Variants in TEC observed in about 807,000 individuals in gnomAD.
TEC encodes the protein tyrosine-protein kinase Tec.
A neutral mutation model predicts 93.0 loss-of-function variants in TEC; 72 were observed. That is an observed-to-expected ratio of 0.77 (90% CI 0.64 to 0.94). The LOEUF is 0.94. Among genes scored for constraint, TEC ranks in the 40% least tolerant of loss-of-function variants. The pLI is 0.00. For missense variants in TEC, 630 were observed against 757.9 expected (o/e 0.83, Z 1.98); for synonymous variants, 249 against 247.7 (o/e 1.01, Z -0.05).
chr4:48,187,957 T>C (rs1316827041), intron 2 of TEC, among the ~76,000 whole-genome samples: 1 of 152,228 alleles, frequency 6.6e-6, no homozygotes, highest in Non-Finnish European at 1.5e-5. Context: ...CTCCCCTTTC[T>C]GGGGAGTTGG....
chr4:48,180,239 A>G (rs933608757), intron 2 of TEC, among the ~76,000 whole-genome samples: 8 of 152,192 alleles, frequency 5.3e-5, no homozygotes, highest in African/African-American at 1.9e-4. Flanking sequence ...TTCTCCAAAT[A>G]TCTTGTTATG....
At chr4:48,259,248 T>C (rs1231953082) in intron 1 of TEC, among the ~76,000 whole-genome samples, 2 of 152,216 alleles carry the variant, frequency 1.3e-5, no homozygotes, top group African/African-American at 4.8e-5. Flanking sequence ...AGGAAAATAA[T>C]TCCAGTTAAT....
chr4:48,172,219 TA>T (rs1721142729), intron 3 of TEC, among the ~76,000 whole-genome samples: 1 of 152,080 alleles, frequency 6.6e-6, no homozygotes, highest in Non-Finnish European at 1.5e-5. Flanking sequence ...CCTGGGAAAC[TA>T]AGCCAGAAAT....
chr4:48,266,154 A>G (rs1221994885), intron 1 of TEC, among the ~76,000 whole-genome samples: 1 of 152,244 alleles, frequency 6.6e-6, no homozygotes, highest in Non-Finnish European at 1.5e-5. Flanking sequence ...ACACATTTTC[A>G]GGCATCTACA....
At position 48,156,747 on chromosome 4, in the gene TEC, A is replaced by G; in HGVS notation, c.738-13T>C. 6.3e-7 allele frequency: 1 copy of G among 1,599,550 alleles called. No homozygotes were observed. Among genetic ancestry groups the G allele is most frequent in the Non-Finnish European group, 8.5e-7 (1 of 1,175,438 alleles). On this transcript the variant is annotated splice_polypyrimidine_tract_variant and intron_variant, in intron 8 of 17. Coordinates refer to ENST00000381501, the MANE Select transcript of TEC (RefSeq NM_003215.3). Reference sequence around the variant, plus strand: ...TCTGCAATACCATCTGAACAGAAAAAACAATACATTTCAGGCCTCAGGTTT... The same window carrying G: ...TCTGCAATACCATCTGAACAGAAAAGACAATACATTTCAGGCCTCAGGTTT...
rs545341346 is a variant in TEC, at chr4:48,240,623, T to C, written c.-45-11964A>G. Among the ~76,000 whole-genome samples the C allele has an allele frequency of 4.8e-4, 73 of 152,290 alleles. 1 individual carries two copies. Among genetic ancestry groups the C allele is most frequent in the Admixed American group, 9.8e-4 (15 of 15,286 alleles). Reference sequence around the variant, plus strand: ...TTATAACTCCTCTCTTCCCTCTATGTCCTTTCCATTTCCCTGTTCAAGTTC... The same window carrying C: ...TTATAACTCCTCTCTTCCCTCTATGCCCTTTCCATTTCCCTGTTCAAGTTC... On this transcript the variant is annotated intron_variant, in intron 1 of 17. Coordinates refer to ENST00000381501, the MANE Select transcript of TEC (RefSeq NM_003215.3).
intron 9 of TEC, among the ~76,000 whole-genome samples, chr4:48,154,488 A>T (rs1720314648): frequency 6.6e-6 from 1 of 152,252 alleles, no homozygotes; most frequent in Non-Finnish European, 1.5e-5. Context: ...AAACTACCAC[A>T]TGTAAGAGAA....
chr4:48,177,243 A>G (rs1721368356), intron 2 of TEC, among the ~76,000 whole-genome samples: 2 of 152,234 alleles, frequency 1.3e-5, no homozygotes, highest in South Asian at 4.1e-4. Flanking sequence ...TACAAACACA[A>G]TGTAGAAATA....
intron 9 of TEC, among the ~76,000 whole-genome samples, chr4:48,152,204 T>A (rs1720200598): frequency 6.6e-6 from 1 of 152,094 alleles, no homozygotes; most frequent in African/African-American, 2.4e-5. Context: ...GGCAGGCAGA[T>A]CAGTTGAGGT....
intron 2 of TEC, among the ~76,000 whole-genome samples, chr4:48,182,189 G>C (rs1418147547): frequency 2.0e-5 from 3 of 151,626 alleles, no homozygotes; most frequent in Admixed American, 6.6e-5. Flanking sequence ...GGAGGCTGAG[G>C]CATGAGAATC....
intron 2 of TEC, among the ~76,000 whole-genome samples, chr4:48,227,546 C>T (rs753941905): frequency 2.7e-4 from 40 of 148,590 alleles, no homozygotes; most frequent in Non-Finnish European, 1.2e-4. Flanking sequence ...CGGGAAGCTG[C>T]GGCAGAAGAA....
intron 1 of TEC, among the ~76,000 whole-genome samples, chr4:48,229,840 G>A (rs1252185003): frequency 6.6e-6 from 1 of 151,838 alleles, no homozygotes; most frequent in African/African-American, 2.4e-5. Flanking sequence ...TTGGGAGGCC[G>A]AGGCAGGTGG....
chr4:48,191,018 A>G (rs996505804), intron 2 of TEC, among the ~76,000 whole-genome samples: 1 of 152,362 alleles, frequency 6.6e-6, no homozygotes, highest in African/African-American at 2.4e-5. Context: ...AGTCAATATG[A>G]CATAATGATT....
intron 2 of TEC, among the ~76,000 whole-genome samples, chr4:48,179,249 T>C (rs554189903): frequency 6.6e-6 from 1 of 150,440 alleles, no homozygotes; most frequent in South Asian, 2.1e-4. Context: ...ACACCCATTT[T>C]ACTGACAAAG....
intron 2 of TEC, among the ~76,000 whole-genome samples, chr4:48,202,887 A>G (rs1471527726): frequency 2.6e-5 from 4 of 152,240 alleles, no homozygotes; most frequent in African/African-American, 4.8e-5. Context: ...TCCTAACTAT[A>G]GAAAAGAACA....
At chr4:48,178,684 T>C (rs1340287355) in intron 2 of TEC, among the ~76,000 whole-genome samples, 1 of 152,094 alleles carries the variant, frequency 6.6e-6, no homozygotes, top group Non-Finnish European at 1.5e-5. Context: ...CTAAGCAGCC[T>C]TTCCACCAGA....
At chr4:48,181,951 A>G (rs1560395081) in intron 2 of TEC, among the ~76,000 whole-genome samples, 1 of 152,186 alleles carries the variant, frequency 6.6e-6, no homozygotes, top group Non-Finnish European at 1.5e-5. Flanking sequence ...GTAAGAAAAT[A>G]CTTCATGATT....
rs1321016494 is a variant in TEC at position 48,137,514 on chromosome 4, CAA to C, written c.1813-17_1813-16del. 1.2e-6 allele frequency: 2 copies of C among 1,611,750 alleles called. No homozygotes were observed. The highest frequency in any genetic ancestry group is 4.5e-5 in the East Asian group (2 of 44,860). On this transcript the variant is annotated splice_polypyrimidine_tract_variant and intron_variant, in intron 17 of 17. Coordinates refer to ENST00000381501, the MANE Select transcript of TEC (RefSeq NM_003215.3). ...CCCTCTGGTTTCTACAATTAAAAGT[CAA>C]AGAGAAGCTGTGGGTTCCAGAATCC...
intron 1 of TEC, among the ~76,000 whole-genome samples, chr4:48,245,848 T>C (rs1385789436): frequency 1.3e-5 from 2 of 152,172 alleles, no homozygotes; most frequent in African/African-American, 4.8e-5. Context: ...CCGTGGCTCA[T>C]GCCTGTAATC....
Sources: allele counts gnomAD v4.1 joint callset (sites outside exome capture counted in the v4.1 genomes callset), GRCh38; gene constraint gnomAD v4.1.1; transcripts MANE v1.5; gene names NCBI Gene and HGNC (gene_info 2026-07-23, HGNC 2026-07-21).